The following CCSER1 variants were observed in gnomAD, a reference collection of about 807,000 sequenced individuals.
The protein encoded by CCSER1 is coiled-coil serine rich protein 1, also known as serine-rich coiled-coil domain-containing protein 1.
In CCSER1, 41 loss-of-function variants were observed where a neutral mutation model predicts 82.0. The ratio of observed to expected loss-of-function variants is 0.50; its 90% CI spans 0.39 to 0.65. The LOEUF (loss-of-function observed/expected upper bound fraction) is 0.65. CCSER1 is among the 30% of genes least tolerant of loss of function. The pLI is 0.00. For synonymous variants in CCSER1, 414 were observed against 383.9 expected (o/e 1.08, Z -0.92); for missense variants, 1,119 against 1,064.2 (o/e 1.05, Z -0.72).
chr4:90,466,268 G>T (rs1763626520), intron 4 of CCSER1, among the ~76,000 whole-genome samples: 1 of 152,166 alleles, frequency 6.6e-6, no homozygotes, highest in African/African-American at 2.4e-5. Flanking sequence ...AGCAAAAGAA[G>T]AAATCAGAGA....
intron 1 of CCSER1, among the ~76,000 whole-genome samples, chr4:90,233,641 AAAAAAC>A (rs1319158231): frequency 9.2e-5 from 14 of 151,670 alleles, no homozygotes; most frequent in African/African-American, 3.1e-4. Context: ...AATTAAAAAA[AAAAAAC>A]AAAACAAACT....
intron 8 of CCSER1, among the ~76,000 whole-genome samples, chr4:90,837,938 G>C (rs1427670801): frequency 6.6e-6 from 1 of 152,222 alleles, no homozygotes; most frequent in African/African-American, 2.4e-5. Flanking sequence ...GATATTTGGT[G>C]CTTAGTTTTT....
intron 9 of CCSER1, among the ~76,000 whole-genome samples, chr4:90,957,250 C>CT (rs1733554294): frequency 6.8e-6 from 1 of 146,962 alleles, no homozygotes; most frequent in South Asian, 2.1e-4. Flanking sequence ...TACAGGCCCC[C>CT]CCCACCACGT....
chr4:91,425,792 C>A (rs1464415395), intron 10 of CCSER1, among the ~76,000 whole-genome samples: 1 of 152,156 alleles, frequency 6.6e-6, no homozygotes, highest in African/African-American at 2.4e-5. Context: ...TCAATACGTT[C>A]TAAAGATCTG....
At chr4:90,974,720 T>C (rs1173881400) in intron 9 of CCSER1, among the ~76,000 whole-genome samples, 1 of 151,424 alleles carries the variant, frequency 6.6e-6, no homozygotes, top group African/African-American at 2.4e-5. Context: ...GATAGGCAAG[T>C]ACAACTTTTG....
At chr4:90,885,953 G>A (rs558043434) in intron 8 of CCSER1, among the ~76,000 whole-genome samples, 3 of 151,880 alleles carry the variant, frequency 2.0e-5, no homozygotes, top group East Asian at 3.9e-4. Flanking sequence ...GCATCTTGGT[G>A]TCAGTTCATT....
chr4:90,134,733 T>C (rs17016540), intron 1 of CCSER1, among the ~76,000 whole-genome samples: 46,309 of 152,050 alleles, frequency 0.3, 9,472 homozygotes, highest in East Asian at 0.64. Context: ...AAAGGAAATA[T>C]GTTCACTGCT....
chr4:91,227,338 G>C (rs1237116341), intron 10 of CCSER1, among the ~76,000 whole-genome samples: 1 of 151,626 alleles, frequency 6.6e-6, no homozygotes, highest in Non-Finnish European at 1.5e-5. Flanking sequence ...GCATAAAATA[G>C]AGTACAAAAA....
At chr4:91,224,973 A>G (rs569189748) in intron 10 of CCSER1, among the ~76,000 whole-genome samples, 7 of 151,394 alleles carry the variant, frequency 4.6e-5, no homozygotes, top group Non-Finnish European at 8.9e-5. Flanking sequence ...ATTGAATTCC[A>G]ATTTAACAAG....
At chr4:91,514,981 T>G (rs1760026199) in intron 10 of CCSER1, among the ~76,000 whole-genome samples, 1 of 152,172 alleles carries the variant, frequency 6.6e-6, no homozygotes, top group African/African-American at 2.4e-5. Context: ...ATTCTACTGA[T>G]TTACAGGTTA....
At chr4:90,204,878 G>T (rs956430504) in intron 1 of CCSER1, among the ~76,000 whole-genome samples, 3 of 152,168 alleles carry the variant, frequency 2.0e-5, no homozygotes, top group Non-Finnish European at 4.4e-5. Context: ...TTGAGCAGAA[G>T]TTTGTAGTTC....
At chr4:91,111,990 G>A (rs1040456381) in intron 10 of CCSER1, among the ~76,000 whole-genome samples, 3 of 151,986 alleles carry the variant, frequency 2.0e-5, no homozygotes, top group Non-Finnish European at 2.9e-5. Context: ...CCAGTTTTAT[G>A]TTATGAAAGG....
intron 5 of CCSER1, among the ~76,000 whole-genome samples, chr4:90,589,833 A>C (rs1782481444): frequency 6.6e-6 from 1 of 152,228 alleles, no homozygotes; most frequent in Non-Finnish European, 1.5e-5. Flanking sequence ...AAATAAGTGA[A>C]ATGTAGTTAA....
rs144385479 is a variant in CCSER1, at chr4:91,386,598, A to T, written c.2218-211974A>T. On this transcript the variant is annotated intron_variant, in intron 10 of 10. Coordinates refer to ENST00000509176, the MANE Select transcript of CCSER1 (RefSeq NM_001145065.2). ...AAGTCTATGGGAAATTATGATGCGG[A>T]GCATGGTTTAAAGTGTCCTCCTACA... Among the ~76,000 whole-genome samples, 116 of 152,236 alleles carry T rather than the reference A, an allele frequency of 7.6e-4. 1 individual carries two copies. The highest frequency in any genetic ancestry group is 1.3e-3 in the Non-Finnish European group (88 of 67,974).
chr4:91,426,873 T>A (rs1754014112), intron 10 of CCSER1, among the ~76,000 whole-genome samples: 1 of 152,194 alleles, frequency 6.6e-6, no homozygotes, highest in Non-Finnish European at 1.5e-5. Context: ...TTATATTTAT[T>A]GAACCCTATG....
At chr4:90,781,913 A>G in intron 7 of CCSER1, 1 of 930,682 alleles carries the variant, frequency 1.1e-6, no homozygotes, top group Non-Finnish European at 1.3e-6. Context: ...AAAAAGATAA[A>G]ATCGTATTGA....
At chr4:90,765,933 G>A (rs1751152631) in intron 7 of CCSER1, among the ~76,000 whole-genome samples, 1 of 152,062 alleles carries the variant, frequency 6.6e-6, no homozygotes, top group South Asian at 2.1e-4. Flanking sequence ...AGCATGACCT[G>A]TTTGAGAATT....
At chr4:90,405,472 G>A (rs1328244036) in intron 4 of CCSER1, among the ~76,000 whole-genome samples, 1 of 152,130 alleles carries the variant, frequency 6.6e-6, no homozygotes, top group East Asian at 1.9e-4. Flanking sequence ...CCCCAGCCTT[G>A]TTAGAGACCT....
chr4:91,238,788 A>C (rs1739216960), intron 10 of CCSER1, among the ~76,000 whole-genome samples: 1 of 151,898 alleles, frequency 6.6e-6, no homozygotes, highest in Admixed American at 6.6e-5. Flanking sequence ...AACGGTTTGC[A>C]TTTACTCAGT....
Sources: gnomAD v4.1 joint callset for allele counts (sites outside exome capture counted in the v4.1 genomes callset) on GRCh38, gnomAD v4.1.1 for gene constraint, MANE v1.5 for transcripts, NCBI Gene and HGNC (gene_info 2026-07-23, HGNC 2026-07-21) for gene names.